PKM: variants seen among roughly 807,000 people sequenced by gnomAD.
The protein encoded by PKM is pyruvate kinase M1/2, also known as pyruvate kinase PKM.
In PKM, 18 loss-of-function variants were observed where a neutral mutation model predicts 49.8. The ratio of observed to expected loss-of-function variants is 0.36; its 90% CI spans 0.25 to 0.54. The LOEUF is 0.54. Among genes scored for constraint, PKM ranks in the 20% least tolerant of loss-of-function variants. PKM has a pLI of 0.89. For missense variants in PKM, 508 were observed against 713.8 expected (o/e 0.71, Z 3.28); for synonymous variants, 239 against 261.8 (o/e 0.91, Z 0.84).
At chr15:72,227,853 C>T (rs1378240514) in intron 1 of PKM, among the ~76,000 whole-genome samples, 1 of 151,222 alleles carries the variant, frequency 6.6e-6, no homozygotes, top group African/African-American at 2.4e-5. Flanking sequence ...TTCTACCTTC[C>T]TGCCCACGGC....
rs971962406 is a variant in PKM, at chr15:72,199,330, A to G, written c.*320T>C. ...GTCCTCTGGGCATCCATTTTTTCTA[A>G]AGGAACTGGACAGAGTACACACAGG... is the stretch of plus-strand genomic sequence containing the variant. On this transcript the variant is annotated 3_prime_UTR_variant, in exon 11 of 11. Transcript: ENST00000335181. 5 of 489,330 alleles carry G rather than the reference A, an allele frequency of 1.0e-5. No individual in the cohort carries two copies. Among genetic ancestry groups the G allele is most frequent in the Middle Eastern group, 6.1e-4 (2 of 3,270 alleles). The allele number at this position is 489,330 out of a possible 1,614,324, so 30.3% of individuals were successfully genotyped here.
chr15:72,199,886 C>G, intron 10 of PKM, 130 bp from the exon 11 acceptor site: 1 of 709,892 alleles, frequency 1.4e-6, no homozygotes, highest in South Asian at 1.5e-5. Flanking sequence ...CAAGGTGGCA[C>G]CAAACTCACA....
chr15:72,231,434 C>T (rs1336643910), upstream of PKM: 1 of 152,580 alleles, frequency 6.6e-6, no homozygotes, highest in Non-Finnish European at 1.5e-5. Context: ...TTTTAAGAAA[C>T]CTGATGACCA....
rs2082105170 is a variant in PKM at position 72,207,132 on chromosome 15, T to C, written c.982A>G (p.Thr328Ala). ...NRAGKPVICA[T>A]QMLESMIKKP... ...GGGGAAGGGTGGGCACATGCCTGAG[T>C]AGCACAGATGACAGGCTTCCCAGCT... Residue 328 changes from threonine to alanine, a missense_variant, in exon 7 of 11, where the codon ACT (threonine) becomes GCT (alanine). Coordinates refer to ENST00000335181, the MANE Select transcript of PKM (RefSeq NM_002654.6). The C allele has an allele frequency of 6.2e-7, 1 of 1,613,252 alleles. No individual in the cohort carries two copies. The highest frequency in any genetic ancestry group is 1.7e-5 in the Admixed American group (1 of 59,988).
At chr15:72,206,986 T>C in intron 7 of PKM, 106 bp from the exon 8 acceptor site, 1 of 1,475,968 alleles carries the variant, frequency 6.8e-7, no homozygotes, top group Non-Finnish European at 9.4e-7. Flanking sequence ...GAGTATGGCT[T>C]TGTGTAGGTA....
chr15:72,202,506 C>A lies in PKM; in HGVS notation c.1255G>T (p.Ala419Ser). 6 of 1,613,608 alleles carry A rather than the reference C, an allele frequency of 3.7e-6. No homozygotes were observed. The highest frequency in any genetic ancestry group is 5.1e-6 in the Non-Finnish European group (6 of 1,179,906). The change falls in exon 9 of 11, where the codon GCC becomes TCC. Residue 419 changes from alanine to serine, a missense_variant. Transcript: ENST00000335181. This position sits in a 1 kb window ranked among gnomAD's most constrained non-coding sequence, Gnocchi z 4.5. ...GCCCCACTGCAGCACTTGAAGGAGG[C>A]CTCCACGGCACCCACGGCGGTGGCT... The part of the protein sequence containing the change: ...TEATAVGAVE[A>S]SFKCCSGAII...
chr15:72,207,669 C>T (rs977822561), intron 6 of PKM, among the ~76,000 whole-genome samples: 1 of 152,230 alleles, frequency 6.6e-6, no homozygotes, highest in African/African-American at 2.4e-5. Flanking sequence ...ACCACAAAGA[C>T]CCATGGCCTC....
intron 5 of PKM, chr15:72,209,106 T>G (rs1382992868): frequency 1.6e-6 from 1 of 621,390 alleles, no homozygotes; most frequent in Non-Finnish European, 2.9e-6. Flanking sequence ...ATAAGGATAA[T>G]TAAGACTGTT....
intron 3 of PKM, among the ~76,000 whole-genome samples, chr15:72,213,429 A>C (rs2082303037): frequency 6.6e-6 from 1 of 152,176 alleles, no homozygotes; most frequent in Admixed American, 6.6e-5. Context: ...ATTTGGACTT[A>C]AGTGTTCTGA....
At chr15:72,215,420 A>G (rs1389856563) in intron 3 of PKM, among the ~76,000 whole-genome samples, 1 of 152,222 alleles carries the variant, frequency 6.6e-6, no homozygotes, top group Non-Finnish European at 1.5e-5. Flanking sequence ...ATAAATTAGA[A>G]TAATTTCAGA....
intron 3 of PKM, among the ~76,000 whole-genome samples, chr15:72,216,797 C>T (rs4506844): frequency 0.64 from 96,633 of 151,944 alleles, 31,986 homozygotes; most frequent in Middle Eastern, 0.74. Context: ...GAGCCCAGCA[C>T]AAATACAGTC....
At chr15:72,226,455 G>A (rs1357097060) in intron 1 of PKM, among the ~76,000 whole-genome samples, 3 of 152,176 alleles carry the variant, frequency 2.0e-5, no homozygotes, top group African/African-American at 7.2e-5. Context: ...GCATGAACCC[G>A]GGAGGCGGAG....
chr15:72,230,127 G>C (rs2082810715), intron 1 of PKM, among the ~76,000 whole-genome samples: 1 of 152,130 alleles, frequency 6.6e-6, no homozygotes, highest in South Asian at 2.1e-4. Flanking sequence ...GTCCCTGGCG[G>C]CCACCCGGCA....
At position 72,202,680 on chromosome 15, in the gene PKM, G is replaced by A; in HGVS notation, c.1141-60C>T. The stretch of plus-strand genomic sequence containing the variant: ...GGGGACAGAGCTTTGTCAGAGCTTT[G>A]TCACAAAAGGAGAGGGAGGGGAAGA... On this transcript the variant is annotated intron_variant, in intron 8 of 10. Transcript: ENST00000335181. This position sits in a 1 kb window ranked among gnomAD's most constrained non-coding sequence, Gnocchi z 4.5. 1 of 1,461,000 alleles carries A rather than the reference G, an allele frequency of 6.8e-7. No homozygotes were observed. Among genetic ancestry groups the A allele is most frequent in the Non-Finnish European group, 9.5e-7 (1 of 1,055,252 alleles). 90.5% of individuals were successfully genotyped at this position (1,461,000 alleles called of 1,614,324 possible). A position where few individuals can be genotyped will look rare whatever the true frequency, so the allele number is the denominator to read the frequency against.
chr15:72,226,925 C>A (rs2082687484), intron 1 of PKM, among the ~76,000 whole-genome samples: 1 of 152,210 alleles, frequency 6.6e-6, no homozygotes, highest in South Asian at 2.1e-4. Context: ...CACCGCACTG[C>A]ATGGTAGGGG....
chr15:72,231,529 A>G (rs1020950950), upstream of PKM: 1 of 152,466 alleles, frequency 6.6e-6, no homozygotes, highest in African/African-American at 2.4e-5. Context: ...TGTTGCCGCC[A>G]AGTTGGGCTG....
In PKM at chr15:72,222,697, G is replaced by A. The variant is rs138902524; in HGVS notation, c.-13-3587C>T. On this transcript the variant is annotated intron_variant, in intron 1 of 10. Transcript: ENST00000335181. Reference sequence around the variant, plus strand: ...TGGAAGCCTGGCGTATCCACTGATAGCAGCACACACCATGCCCAGGTCCAG... The same window carrying A: ...TGGAAGCCTGGCGTATCCACTGATAACAGCACACACCATGCCCAGGTCCAG... 4.4e-4 allele frequency among the ~76,000 whole-genome samples: 67 copies of A among 152,206 alleles called. 2 individuals carry two copies. The Middle Eastern group carries it at 0.014, about 31-fold the overall frequency.
In PKM at chr15:72,208,910, G is replaced by A. The variant is rs751145484; in HGVS notation, c.566-19C>T. The A allele has an allele frequency of 4.3e-6, 7 of 1,611,364 alleles. 1 individual carries two copies. The South Asian group carries it at 7.7e-5, about 18-fold the overall frequency. On this transcript the variant is annotated intron_variant, in intron 5 of 10. Transcript: ENST00000335181. ...TCGGCACCTGTATGAAAAAGGGTAA[G>A]TAGGGGAGGCAGAGCACGAGGGCAC...
intron 2 of PKM, among the ~76,000 whole-genome samples, chr15:72,217,942 ATT>A (rs1322499065): frequency 6.6e-6 from 1 of 152,152 alleles, no homozygotes; most frequent in Non-Finnish European, 1.5e-5. Flanking sequence ...GCAACAAATT[ATT>A]TTTTATTATA....
Sources: gnomAD v4.1 joint callset for allele counts (sites outside exome capture counted in the v4.1 genomes callset) on GRCh38, gnomAD v4.1.1 for gene constraint, Gnocchi (gnomAD v3.1) non-coding constraint, MANE v1.5 for transcripts, NCBI Gene and HGNC (gene_info 2026-07-23, HGNC 2026-07-21) for gene names.